The following MCF2L variants were observed in gnomAD, a reference collection of about 807,000 sequenced individuals.
MCF2L encodes MCF.2 cell line derived transforming sequence like, also known as guanine nucleotide exchange factor DBS.
MCF2L carries 97 observed loss-of-function variants against 153.4 expected under a neutral mutation model. The ratio of observed to expected loss-of-function variants is 0.63; its 90% CI spans 0.54 to 0.75. The LOEUF (loss-of-function observed/expected upper bound fraction) is 0.75, where lower values mean the gene tolerates loss of function less well. Ranked by LOEUF, MCF2L falls within the 30% of genes least tolerant of loss-of-function variation. The probability of loss-of-function intolerance (pLI) is 0.00; values close to 1 mark genes in which losing one functional copy is unlikely to be tolerated. For synonymous variants in MCF2L, 659 were observed against 632.2 expected (o/e 1.04, Z -0.64); for missense variants, 1,347 against 1,495.2 (o/e 0.90, Z 1.64).
At chr13:112,994,299 G>A (rs182227075) in intron 1 of MCF2L, among the ~76,000 whole-genome samples, 3 of 151,348 alleles carry the variant, frequency 2.0e-5, no homozygotes, top group East Asian at 2.0e-4. Flanking sequence ...GGCGCGGCGC[G>A]TGGGACGCCA....
intron 3 of MCF2L, chr13:113,044,513 T>C: frequency 1.1e-6 from 1 of 938,628 alleles, no homozygotes. Context: ...TTAGCGATTC[T>C]AGCCCCTGCC....
intron 3 of MCF2L, chr13:113,044,208 A>G: frequency 4.3e-6 from 1 of 233,132 alleles, no homozygotes; most frequent in Middle Eastern, 1.7e-3. Context: ...TTATTGAATC[A>G]AATTACCCTA....
At chr13:113,079,813 C>CCA (rs1566859098) in intron 15 of MCF2L, among the ~76,000 whole-genome samples, 1 of 41,288 alleles carries the variant, frequency 2.4e-5, no homozygotes, top group Admixed American at 2.7e-4. Context: ...AGAGGAATGT[C>CCA]TGAATGGAGG....
At chr13:112,908,719 T>G (rs574744717) in intron 2 of MCF2L, among the ~76,000 whole-genome samples, 4 of 61,316 alleles carry the variant, frequency 6.5e-5, no homozygotes, top group Non-Finnish European at 6.4e-5. Context: ...CTCATGTTTT[T>G]TGTTTTGTTT....
At chr13:112,916,967 A>C (rs987989964) in intron 2 of MCF2L, 34 of 431,896 alleles carry the variant, frequency 7.9e-5, no homozygotes, top group Non-Finnish European at 1.6e-4. Context: ...CTCTCCCCAC[A>C]CTGGTCTGTG....
chr13:112,958,592 C>G (rs771397958), intron 2 of MCF2L, among the ~76,000 whole-genome samples: 1 of 152,250 alleles, frequency 6.6e-6, no homozygotes. Context: ...ACTCACCTTC[C>G]TCATTTCCCT....
chr13:112,937,933 A>C (rs1371559835), intron 2 of MCF2L, among the ~76,000 whole-genome samples: 2 of 146,478 alleles, frequency 1.4e-5, no homozygotes, highest in African/African-American at 5.1e-5. Flanking sequence ...CATTCAGGTG[A>C]TCTCTGAGTG....
At chr13:112,899,429 C>T (rs149784522) in intron 1 of MCF2L, among the ~76,000 whole-genome samples, 2 of 152,258 alleles carry the variant, frequency 1.3e-5, no homozygotes, top group East Asian at 1.9e-4. Context: ...CAGACGTGAA[C>T]AGGACTGCGT....
rs2081112716 is a variant in MCF2L at position 112,900,811 on chromosome 13, C to T, written c.-4-1388C>T. Reference sequence around the variant, plus strand: ...GGCAGTGGTTCTCGGGACGGGCCTGCTCTCCAGGGCCGGGCATTGGTGTTT... The same window carrying T: ...GGCAGTGGTTCTCGGGACGGGCCTGTTCTCCAGGGCCGGGCATTGGTGTTT... On this transcript the variant is annotated intron_variant, in intron 1 of 29. Coordinates refer to the MCF2L transcript ENST00000375608. Among the ~76,000 whole-genome samples, 3 of 152,082 alleles carry T rather than the reference C, an allele frequency of 2.0e-5. 1 individual carries two copies. The highest frequency in any genetic ancestry group is 7.2e-5 in the African/African-American group (3 of 41,416).
intron 2 of MCF2L, 78 bp downstream of exon 2, chr13:113,014,924 G>A: frequency 4.5e-6 from 6 of 1,333,874 alleles, no homozygotes; most frequent in Non-Finnish European, 6.5e-6. Context: ...CCCGTGGCCT[G>A]GCCCAGGCTG....
chr13:112,947,820 C>G (rs2081652908), intron 2 of MCF2L, among the ~76,000 whole-genome samples: 1 of 152,196 alleles, frequency 6.6e-6, no homozygotes, highest in African/African-American at 2.4e-5. Flanking sequence ...CTACACTAGG[C>G]ATTGCCCTGG....
intron 27 of MCF2L, chr13:113,095,457 A>C: frequency 9.3e-7 from 1 of 1,078,646 alleles, no homozygotes; most frequent in Non-Finnish European, 1.1e-6. Context: ...AGGCTGGTGG[A>C]ACAGGGTGCA....
In MCF2L at chr13:112,919,357, C is replaced by T. The variant is rs976856190; in HGVS notation, c.169+16986C>T. Among the ~76,000 whole-genome samples the T allele has an allele frequency of 1.1e-4, 17 of 151,274 alleles. 1 individual carries two copies. The highest frequency in any genetic ancestry group is 1.8e-4 in the Non-Finnish European group (12 of 67,850). On this transcript the variant is annotated intron_variant, in intron 2 of 29. Transcript: ENST00000375608. ...AGTAGCTGGGACTACAGGCGCCCGCCACTACGCCCGGCTAATTTTTTGTAT... is the reference window on the plus strand; with the variant it reads ...AGTAGCTGGGACTACAGGCGCCCGCTACTACGCCCGGCTAATTTTTTGTAT...
chr13:112,909,494 A>G (rs2081208480), intron 2 of MCF2L: 1 of 559,122 alleles, frequency 1.8e-6, no homozygotes, highest in Admixed American at 2.9e-5. Context: ...GAAGTCCTAC[A>G]CTAGCGCAGA....
At chr13:113,080,720 C>T (rs1176659903) in intron 15 of MCF2L, among the ~76,000 whole-genome samples, 5 of 152,318 alleles carry the variant, frequency 3.3e-5, no homozygotes, top group East Asian at 1.9e-4. Flanking sequence ...GCAGCTCCGG[C>T]GATGCCAGAC....
chr13:113,003,833 C>T (rs1282381203), intron 1 of MCF2L, among the ~76,000 whole-genome samples: 2 of 152,176 alleles, frequency 1.3e-5, no homozygotes, highest in Non-Finnish European at 2.9e-5. Context: ...CTGGAAGGAA[C>T]TTGCCACCTG....
intron 2 of MCF2L, among the ~76,000 whole-genome samples, chr13:112,914,131 T>C (rs935628311): frequency 1.3e-5 from 2 of 152,200 alleles, no homozygotes; most frequent in African/African-American, 4.8e-5. Flanking sequence ...AGTCTTGTGG[T>C]TAAGAAATCA....
Position 112,981,420 on chromosome 13 carries a change from C to T in MCF2L, c.79+11962C>T, listed in dbSNP as rs192024649. 5.9e-5 allele frequency among the ~76,000 whole-genome samples: 9 copies of T among 152,320 alleles called. No individual in the cohort carries two copies. In the East Asian group the frequency reaches 1.7e-3, roughly 29 times the overall value. On this transcript the variant is annotated intron_variant, in intron 1 of 29. Transcript: ENST00000535094. ...GCTGTGAGTTCTGCGGTGCTCTGGTCCCCCGTGAAGACATCGTCCACGACA... is the reference window on the plus strand; with the variant it reads ...GCTGTGAGTTCTGCGGTGCTCTGGTTCCCCGTGAAGACATCGTCCACGACA...
intron 1 of MCF2L, among the ~76,000 whole-genome samples, chr13:112,899,302 C>G (rs759846648): frequency 6.6e-6 from 1 of 152,216 alleles, no homozygotes; most frequent in African/African-American, 2.4e-5. Context: ...GTCCAGCCTT[C>G]GGCCTTCACT....
Sources: gnomAD v4.1 joint callset for allele counts (sites outside exome capture counted in the v4.1 genomes callset) on GRCh38, gnomAD v4.1.1 for gene constraint, MANE v1.5 for transcripts, NCBI Gene and HGNC (gene_info 2026-07-23, HGNC 2026-07-21) for gene names.